MICAL3: variants seen among roughly 807,000 people sequenced by gnomAD.
The protein encoded by MICAL3 is microtubule associated monooxygenase, calponin and LIM domain containing 3, also known as [F-actin]-monooxygenase MICAL3.
A neutral mutation model predicts 207.4 loss-of-function variants in MICAL3; 62 were observed. That is an observed-to-expected ratio of 0.30 (90% confidence interval 0.24 to 0.37). MICAL3 has a LOEUF of 0.37. Ranked by LOEUF, MICAL3 falls within the 10% of genes least tolerant of loss-of-function variation. The probability of loss-of-function intolerance (pLI) is 1.00; values close to 1 mark genes in which losing one functional copy is unlikely to be tolerated. For missense variants in MICAL3, 2,368 were observed against 2,635.6 expected, an observed-to-expected ratio of 0.90 and a Z score of 2.22; for synonymous variants, 1,077 against 1,069.3, an observed-to-expected ratio of 1.01 and a Z score of -0.14.
chr22:17,810,687 T>TCCTCCATGGTTTTG lies in MICAL3; in HGVS notation c.5556+15_5556+16insCAAAACCATGGAGG. 1 of 1,604,112 alleles carries TCCTCCATGGTTTTG rather than the reference T, an allele frequency of 6.2e-7. No individual in the cohort carries two copies. The highest frequency in any genetic ancestry group is 8.5e-7 in the Non-Finnish European group (1 of 1,170,980). Reference sequence around the variant, plus strand: ...CTCCCATGCATGTGCCCTGGTCCCATCCTCCATGGTTTTACCTGGGCTCGA... The same window carrying TCCTCCATGGTTTTG: ...CTCCCATGCATGTGCCCTGGTCCCATCCTCCATGGTTTTGCCTCCATGGTTTTACCTGGGCTCGA... On this transcript the variant is annotated intron_variant, in intron 28 of 31. Coordinates refer to ENST00000441493, the MANE Select transcript of MICAL3 (RefSeq NM_015241.3).
intron 29 of MICAL3, among the ~76,000 whole-genome samples, chr22:17,791,995 C>T (rs2061829513): frequency 6.6e-6 from 1 of 152,214 alleles, no homozygotes; most frequent in Non-Finnish European, 1.5e-5. Context: ...CACGCCCTGC[C>T]CTGGTCCAAT....
intron 17 of MICAL3, among the ~76,000 whole-genome samples, chr22:17,867,360 G>A (rs973419596): frequency 2.0e-5 from 3 of 152,142 alleles, no homozygotes; most frequent in East Asian, 1.9e-4. Flanking sequence ...GTGGAGCCAC[G>A]GGTTGTTGCC....
chr22:17,834,727 G>C lies in MICAL3; in HGVS notation c.2802-2620C>G, dbSNP rs8139282. Among the ~76,000 whole-genome samples the C allele has an allele frequency of 9.1e-3, 1,384 of 152,186 alleles. 16 individuals carry two copies. Among genetic ancestry groups the C allele is most frequent in the African/African-American group, 0.031 (1,283 of 41,482 alleles). Reference sequence around the variant, plus strand: ...AAGAATCTGGGCCACGGAAAACTTGGCATCTGGATTTTGGTTATTTTTCAG... The same window carrying C: ...AAGAATCTGGGCCACGGAAAACTTGCCATCTGGATTTTGGTTATTTTTCAG... On this transcript the variant is annotated intron_variant, in intron 20 of 31. Coordinates refer to ENST00000441493, the MANE Select transcript of MICAL3 (RefSeq NM_015241.3).
chr22:17,882,213 G>C (rs150218675), intron 16 of MICAL3, among the ~76,000 whole-genome samples: 1 of 152,232 alleles, frequency 6.6e-6, no homozygotes, highest in African/African-American at 2.4e-5. Context: ...GAAGGGAAGA[G>C]CCACAGTGTT....
At chr22:18,015,080 G>C (rs1040035001) in intron 1 of MICAL3, among the ~76,000 whole-genome samples, 1 of 151,980 alleles carries the variant, frequency 6.6e-6, no homozygotes, top group African/African-American at 2.4e-5. Context: ...ATTGTGAAAA[G>C]TACAACTAAA....
At chr22:18,023,321 G>A (rs1924601676) in intron 1 of MICAL3, among the ~76,000 whole-genome samples, 2 of 152,274 alleles carry the variant, frequency 1.3e-5, no homozygotes. Flanking sequence ...ATTGGACCCA[G>A]GTAGCAGGAT....
intron 1 of MICAL3, chr22:18,004,480 T>C (rs2593208): frequency 0.99 from 150,753 of 152,330 alleles, 74,599 homozygotes; most frequent in East Asian, 1. Flanking sequence ...AGGCTGGTCT[T>C]GAAATCCCAA....
chr22:17,947,908 T>C (rs941072528), intron 1 of MICAL3, among the ~76,000 whole-genome samples: 1 of 152,028 alleles, frequency 6.6e-6, no homozygotes, highest in Non-Finnish European at 1.5e-5. Flanking sequence ...AATACAGTTA[T>C]GAATTCATCC....
chr22:17,980,881 G>A (rs373286150), intron 1 of MICAL3: 7 of 531,546 alleles, frequency 1.3e-5, no homozygotes, highest in Middle Eastern at 3.2e-4. Context: ...CCTCACTTCC[G>A]ACTAAGTGCC....
intron 16 of MICAL3, chr22:17,876,645 G>A (rs1022199852): frequency 6.6e-6 from 1 of 152,432 alleles, no homozygotes; most frequent in Admixed American, 6.5e-5. Context: ...GAGGAGTGGG[G>A]GACTGGGTAG....
chr22:18,000,926 G>A (rs1207026302), intron 1 of MICAL3, among the ~76,000 whole-genome samples: 4 of 152,222 alleles, frequency 2.6e-5, no homozygotes, highest in Admixed American at 6.5e-5. Flanking sequence ...CGGAGCCTGC[G>A]GACTCCGGTA....
intron 1 of MICAL3, among the ~76,000 whole-genome samples, chr22:17,908,698 C>T (rs1931921246): frequency 6.6e-6 from 1 of 152,206 alleles, no homozygotes; most frequent in African/African-American, 2.4e-5. Context: ...CCAGCACAGG[C>T]ACATCACCAA....
Position 17,929,568 on chromosome 22 carries a change from C to CTTTTTTTTTTTTTT in MICAL3, c.-74-22696_-74-22683dup, listed in dbSNP as rs67222681. 1.1e-3 allele frequency among the ~76,000 whole-genome samples: 116 copies of CTTTTTTTTTTTTTT among 108,892 alleles called. 1 individual carries two copies. The highest frequency in any genetic ancestry group is 1.5e-3 in the Non-Finnish European group (87 of 56,926). The allele number at this position is 108,892 out of a possible 152,430, so 71.4% of individuals were successfully genotyped here. On this transcript the variant is annotated intron_variant, in intron 1 of 31. Transcript: ENST00000441493. ...ATTTTTCTTTCTTTCCTTTTCTTTT[C>CTTTTTTTTTTTTTT]TTTTTTTTTTTTTTTTTTTGACAGG... is the stretch of plus-strand genomic sequence containing the variant.
At chr22:17,990,138 A>G (rs1921498006) in intron 1 of MICAL3, among the ~76,000 whole-genome samples, 1 of 152,126 alleles carries the variant, frequency 6.6e-6, no homozygotes, top group South Asian at 2.1e-4. Context: ...GCCCCAGGGG[A>G]TCAGGAGTGA....
chr22:17,849,675 T>G (rs1925053417), intron 19 of MICAL3, among the ~76,000 whole-genome samples: 1 of 139,870 alleles, frequency 7.1e-6, no homozygotes, highest in African/African-American at 2.8e-5. Context: ...TGTGTGTGTG[T>G]GTGTGTGTGT....
chr22:17,895,929 T>C (rs1930789152), intron 9 of MICAL3, among the ~76,000 whole-genome samples: 2 of 152,290 alleles, frequency 1.3e-5, no homozygotes, highest in East Asian at 1.9e-4. Context: ...CTTCAAAATA[T>C]CCCATTTAGG....
chr22:17,819,942 C>CAA (rs58418733), intron 25 of MICAL3, among the ~76,000 whole-genome samples: 2,250 of 67,544 alleles, frequency 0.033, 108 homozygotes, highest in East Asian at 0.059. Flanking sequence ...GACTCCATCT[C>CAA]AAAAAAAAAA....
chr22:17,841,969 C>T lies in MICAL3; in HGVS notation c.2654G>A (p.Arg885Lys). Residue 885 changes from arginine to lysine, a missense_variant, in exon 20 of 32, where the codon AGG becomes AAG. By Grantham distance (26) the Arg-to-Lys change is conservative. Transcript: ENST00000441493. The surrounding 1 kb of genome is among the most constrained non-coding windows in gnomAD (Gnocchi z 4.2). ...LEEPSIAKRL[R>K]GTPERIELEN... The stretch of plus-strand genomic sequence containing the variant: ...CAGCTCGATCCGCTCTGGGGTGCCC[C>T]TCAGTCGCTTGGCGATGCTGGGCTC... The T allele has an allele frequency of 6.2e-7, 1 of 1,607,114 alleles. No individual in the cohort carries two copies. Among genetic ancestry groups the T allele is most frequent in the South Asian group, 1.1e-5 (1 of 90,722 alleles).
chr22:17,982,682 T>TAACATAACATAA (rs1280247905), intron 1 of MICAL3, among the ~76,000 whole-genome samples: 2 of 144,544 alleles, frequency 1.4e-5, no homozygotes, highest in Non-Finnish European at 3.0e-5. Context: ...AAAAAATTCA[T>TAACATAACATAA]AACATAACAT....
Sources: gnomAD v4.1 joint callset for allele counts (sites outside exome capture counted in the v4.1 genomes callset) on GRCh38, gnomAD v4.1.1 for gene constraint, Gnocchi (gnomAD v3.1) non-coding constraint, MANE v1.5 for transcripts, NCBI Gene and HGNC (gene_info 2026-07-23, HGNC 2026-07-21) for gene names.